Variants in GALNT13 observed in about 807,000 individuals in gnomAD.
GALNT13 encodes UDP-GalNAc:polypeptide N-acetylgalactosaminyltransferase 13.
GALNT13 carries 28 observed loss-of-function variants against 64.2 expected under a neutral mutation model. The observed-to-expected ratio is 0.44, with a 90% CI of 0.32 to 0.60. The LOEUF is 0.60. Among genes scored for constraint, GALNT13 ranks in the 20% least tolerant of loss-of-function variants. The pLI is 0.05. For synonymous variants in GALNT13, 214 were observed against 224.6 expected, an observed-to-expected ratio of 0.95 and a Z score of 0.42; for missense variants, 577 against 669.8, an observed-to-expected ratio of 0.86 and a Z score of 1.53.
the GALNT13 span, among the ~76,000 whole-genome samples, chr2:153,367,019 A>AC: frequency 6.6e-6 from 1 of 151,472 alleles, no homozygotes; most frequent in African/African-American, 2.4e-5. Flanking sequence ...AAACAAACAA[A>AC]AAAAAAACAA....
chr2:153,696,410 C>T, the GALNT13 span, among the ~76,000 whole-genome samples: 5 of 152,286 alleles, frequency 3.3e-5, no homozygotes, highest in African/African-American at 1.2e-4. Context: ...AGTCCACTGA[C>T]TCAAATATTA....
the GALNT13 span, among the ~76,000 whole-genome samples, chr2:153,660,917 T>C: frequency 1.3e-5 from 2 of 152,214 alleles, no homozygotes; most frequent in Middle Eastern, 3.4e-3. Flanking sequence ...TGGGACAGCA[T>C]TGGAGGCACT....
chr2:153,906,634 C>G (rs1169447711), intron 2 of GALNT13, among the ~76,000 whole-genome samples: 1 of 151,802 alleles, frequency 6.6e-6, no homozygotes, highest in African/African-American at 2.4e-5. Context: ...TTTTCTTAAT[C>G]CAGTCTATCG....
chr2:154,058,042 G>A (rs554212417), intron 3 of GALNT13, among the ~76,000 whole-genome samples: 17 of 152,242 alleles, frequency 1.1e-4, no homozygotes, highest in African/African-American at 4.1e-4. Context: ...ATTCTATGTA[G>A]GCTCCTGCCC....
chr2:153,197,563 G>A, the GALNT13 span, among the ~76,000 whole-genome samples: 23 of 152,358 alleles, frequency 1.5e-4, no homozygotes, highest in Admixed American at 9.1e-4. Context: ...GGCCAGGCAG[G>A]CCTGTTCTCA....
At chr2:154,231,732 G>C (rs1688926016) in intron 4 of GALNT13, among the ~76,000 whole-genome samples, 1 of 148,358 alleles carries the variant, frequency 6.7e-6, no homozygotes, top group Non-Finnish European at 1.5e-5. Context: ...TATGCTATTA[G>C]GTTGGTGCAA....
the GALNT13 span, among the ~76,000 whole-genome samples, chr2:153,637,345 A>G: frequency 6.6e-6 from 1 of 152,174 alleles, no homozygotes; most frequent in African/African-American, 2.4e-5. Context: ...AACTAACAGT[A>G]CCTCAGGGTG....
chr2:154,038,063 C>T (rs762235592), intron 3 of GALNT13, among the ~76,000 whole-genome samples: 42 of 151,924 alleles, frequency 2.8e-4, no homozygotes, highest in Admixed American at 5.3e-4. Context: ...TGCTTGAACC[C>T]GGGAGGTTGA....
the GALNT13 span, among the ~76,000 whole-genome samples, chr2:153,300,962 G>A: frequency 6.6e-6 from 1 of 152,098 alleles, no homozygotes; most frequent in Non-Finnish European, 1.5e-5. Flanking sequence ...CCAGCACTTT[G>A]GGAAGCCAAG....
Position 154,225,777 on chromosome 2 carries a change from G to A in GALNT13, c.312-16253G>A, listed in dbSNP as rs570767109. Among the ~76,000 whole-genome samples the A allele has an allele frequency of 1.3e-3, 192 of 152,160 alleles. 1 individual carries two copies. The highest frequency in any genetic ancestry group is 4.5e-3 in the African/African-American group (186 of 41,542). On this transcript the variant is annotated intron_variant, in intron 4 of 12. Transcript: ENST00000392825. ...TTTATGCTTAGATTCAACAAAGTAT[G>A]AACAGCTGTGTAGAATATGACTGGA...
the GALNT13 span, among the ~76,000 whole-genome samples, chr2:153,382,548 C>G: frequency 1.8e-3 from 269 of 152,002 alleles, no homozygotes; most frequent in African/African-American, 6.3e-3. Context: ...TGTATATGTA[C>G]TACATTTTCT....
chr2:153,579,326 G>A, the GALNT13 span, among the ~76,000 whole-genome samples: 4 of 152,004 alleles, frequency 2.6e-5, no homozygotes, highest in South Asian at 8.3e-4. Context: ...GCTAATATAG[G>A]CTTTGAGGTC....
chr2:153,230,248 T>C, the GALNT13 span, among the ~76,000 whole-genome samples: 56 of 152,234 alleles, frequency 3.7e-4, no homozygotes, highest in Non-Finnish European at 5.6e-4. Flanking sequence ...ATTGTTCTTA[T>C]GTTTTTCTAA....
At chr2:153,873,850 C>G (rs970699072) in intron 1 of GALNT13, among the ~76,000 whole-genome samples, 13 of 150,864 alleles carry the variant, frequency 8.6e-5, no homozygotes, top group East Asian at 1.9e-4. Flanking sequence ...TTTTCTGTGT[C>G]TCTCTCTCTC....
the GALNT13 span, among the ~76,000 whole-genome samples, chr2:153,199,355 A>G: frequency 1.3e-5 from 2 of 152,164 alleles, no homozygotes; most frequent in South Asian, 2.1e-4. Context: ...TGGGCTATGC[A>G]TTATCCCTCA....
At chr2:153,662,488 C>A in the GALNT13 span, among the ~76,000 whole-genome samples, 2,114 of 152,276 alleles carry the variant, frequency 0.014, 48 homozygotes, top group African/African-American at 0.048. Context: ...GCTCAGGCTT[C>A]TCTGGCAATC....
At chr2:153,211,159 G>C in the GALNT13 span, among the ~76,000 whole-genome samples, 2 of 150,984 alleles carry the variant, frequency 1.3e-5, no homozygotes, top group African/African-American at 4.9e-5. Flanking sequence ...TTGTTGTTGA[G>C]ACAGAGTCTT....
the GALNT13 span, among the ~76,000 whole-genome samples, chr2:153,819,261 C>G: frequency 6.6e-6 from 1 of 152,078 alleles, no homozygotes; most frequent in South Asian, 2.1e-4. Context: ...GAGGTAATGC[C>G]CTAAAACCAC....
Position 154,188,525 on chromosome 2 carries a change from A to G in GALNT13, c.311+48020A>G, listed in dbSNP as rs192840970. 9.8e-5 allele frequency among the ~76,000 whole-genome samples: 15 copies of G among 152,290 alleles called. No homozygotes were observed. In the East Asian group the frequency reaches 2.9e-3, roughly 29 times the overall value. ...AAACAAAACACAAAAAGATGCTATG[A>G]TTGTGAGCCTAGCAAAGCTTTGCAT... On this transcript the variant is annotated intron_variant, in intron 4 of 12. Transcript: ENST00000392825.
Sources: allele counts gnomAD v4.1 joint callset (sites outside exome capture counted in the v4.1 genomes callset), GRCh38; gene constraint gnomAD v4.1.1; transcripts MANE v1.5; gene names NCBI Gene and HGNC (gene_info 2026-07-23, HGNC 2026-07-21).